Variants in ACOXL observed in about 807,000 individuals in gnomAD.
ACOXL encodes the protein acyl-CoA oxidase like.
In ACOXL, 70 loss-of-function variants were observed where a neutral mutation model predicts 71.9. The observed-to-expected ratio is 0.97, with a 90% CI of 0.80 to 1.19. The LOEUF (loss-of-function observed/expected upper bound fraction) is 1.19, where lower values mean the gene tolerates loss of function less well. Ranked by LOEUF, ACOXL falls within the 50% of genes most tolerant of loss-of-function variation. ACOXL has a pLI of 0.00. For missense variants in ACOXL, 703 were observed against 736.3 expected (o/e 0.95, Z 0.52); for synonymous variants, 253 against 281.6 (o/e 0.90, Z 1.02).
intron 2 of ACOXL, among the ~76,000 whole-genome samples, chr2:110,772,766 A>G (rs778350605): frequency 1.5e-4 from 23 of 151,980 alleles, no homozygotes; most frequent in Admixed American, 9.2e-4. Flanking sequence ...TGTCCCCAAT[A>G]CCCTTTCAGG....
intron 14 of ACOXL, among the ~76,000 whole-genome samples, chr2:111,019,387 C>T (rs544674590): frequency 2.5e-4 from 38 of 152,216 alleles, no homozygotes; most frequent in Admixed American, 2.0e-3. Flanking sequence ...TGCTAAATGA[C>T]CAAAAAGAAT....
intron 12 of ACOXL, among the ~76,000 whole-genome samples, chr2:110,955,933 ATTTT>A (rs67285328): frequency 9.8e-6 from 1 of 101,774 alleles, no homozygotes; most frequent in Non-Finnish European, 1.9e-5. Context: ...CTTGCCACAG[ATTTT>A]TTTTTTTTTT....
At chr2:111,023,171 T>C (rs766952663) in intron 14 of ACOXL, among the ~76,000 whole-genome samples, 42 of 152,208 alleles carry the variant, frequency 2.8e-4, no homozygotes, top group Admixed American at 1.2e-3. Context: ...AGTGCAGTTA[T>C]TGATCAGGAC....
chr2:110,923,790 G>T (rs1380684678), intron 11 of ACOXL, among the ~76,000 whole-genome samples: 1 of 152,040 alleles, frequency 6.6e-6, no homozygotes, highest in Non-Finnish European at 1.5e-5. Flanking sequence ...AAAAAAATTA[G>T]CTGGGCGTGG....
At chr2:111,051,735 G>T (rs1273689289) in intron 16 of ACOXL, among the ~76,000 whole-genome samples, 1 of 152,210 alleles carries the variant, frequency 6.6e-6, no homozygotes, top group Non-Finnish European at 1.5e-5. Context: ...CTCCCAAAGT[G>T]CTGGGATTAC....
At chr2:111,096,517 A>G (rs1029252669) in intron 17 of ACOXL, among the ~76,000 whole-genome samples, 1 of 152,154 alleles carries the variant, frequency 6.6e-6, no homozygotes, top group African/African-American at 2.4e-5. Flanking sequence ...CTGGGATTAC[A>G]GGCAAAAATT....
At chr2:110,800,883 T>C (rs948161457) in intron 7 of ACOXL, among the ~76,000 whole-genome samples, 1 of 152,124 alleles carries the variant, frequency 6.6e-6, no homozygotes, top group Non-Finnish European at 1.5e-5. Flanking sequence ...CTGAGCTCTG[T>C]GAAGTCGTGC....
chr2:110,814,550 T>G (rs1687700394), intron 9 of ACOXL, among the ~76,000 whole-genome samples: 1 of 152,202 alleles, frequency 6.6e-6, no homozygotes, highest in South Asian at 2.1e-4. Flanking sequence ...CTGGGCCATT[T>G]AAATTTGCCA....
chr2:110,943,062 A>AAGGAAGAAAGAAAAGGT lies in ACOXL; in HGVS notation c.1059+9422_1059+9423insGAAGAAAGAAAAGGTAG, dbSNP rs1247836362. Among the ~76,000 whole-genome samples, 5 of 138,570 alleles carry AAGGAAGAAAGAAAAGGT rather than the reference A, an allele frequency of 3.6e-5. No individual in the cohort carries two copies. In the South Asian group the frequency reaches 1.2e-3, roughly 34 times the overall value. 90.9% of individuals were successfully genotyped at this position (138,570 alleles called of 152,430 possible). A position where few individuals can be genotyped will look rare whatever the true frequency, so the allele number is the denominator to read the frequency against. On this transcript the variant is annotated intron_variant, in intron 12 of 17. Transcript: ENST00000439055. ...AAAGAAGGAAGGAAGAAAGAAAAGG[A>AAGGAAGAAAGAAAAGGT]AGAAGGAAGGAAGAAAAGAAGAGAG...
chr2:110,789,679 C>T (rs1470645089), intron 3 of ACOXL, among the ~76,000 whole-genome samples: 2 of 152,184 alleles, frequency 1.3e-5, no homozygotes, highest in African/African-American at 4.8e-5. Flanking sequence ...TTTCCATCTC[C>T]AAATACCATC....
In ACOXL at chr2:110,901,121, C is replaced by A. The variant is rs374066507; in HGVS notation, c.789-7668C>A. Among the ~76,000 whole-genome samples, 3 of 152,348 alleles carry A rather than the reference C, an allele frequency of 2.0e-5. No homozygotes were observed. In the East Asian group the frequency reaches 5.8e-4, roughly 29 times the overall value. ...GTCTCCAGCAGCAGAGTGTCAGCCC[C>A]TGCTGGATACTTGGCCACAACTTTA... On this transcript the variant is annotated intron_variant, in intron 10 of 17. Coordinates refer to ENST00000439055, the MANE Select transcript of ACOXL (RefSeq NM_001142807.4).
At chr2:110,793,935 C>T (rs1029483466) in intron 4 of ACOXL, 141 bp from the exon 5 acceptor site, 14 of 851,880 alleles carry the variant, frequency 1.6e-5, no homozygotes, top group Admixed American at 2.4e-5. Flanking sequence ...AGCTCACATT[C>T]GCTGTCATCA....
intron 13 of ACOXL, 71 bp from the exon 14 acceptor site, chr2:110,995,822 C>A (rs2063371682): frequency 1.7e-6 from 2 of 1,210,696 alleles, no homozygotes; most frequent in Non-Finnish European, 1.2e-6. Flanking sequence ...AACAAACCTA[C>A]TCTATTTCTT....
chr2:110,920,170 TTG>T (rs1386831022), intron 11 of ACOXL, among the ~76,000 whole-genome samples: 1 of 152,224 alleles, frequency 6.6e-6, no homozygotes, highest in Non-Finnish European at 1.5e-5. Context: ...TTGTATCATT[TTG>T]TGTTTTCATC....
intron 14 of ACOXL, among the ~76,000 whole-genome samples, chr2:111,027,263 A>G (rs894646114): frequency 2.6e-5 from 4 of 151,632 alleles, no homozygotes; most frequent in Middle Eastern, 3.2e-3. Context: ...AGTTCTGTCT[A>G]TGTGTGGGAG....
intron 10 of ACOXL, among the ~76,000 whole-genome samples, chr2:110,884,782 A>C (rs2149111421): frequency 6.6e-6 from 1 of 152,278 alleles, no homozygotes; most frequent in South Asian, 2.1e-4. Flanking sequence ...AGTTAGGTTC[A>C]ATAAAGGCTT....
At chr2:110,751,298 CAAAAAA>C (rs765632647) in intron 1 of ACOXL, among the ~76,000 whole-genome samples, 9 of 44,014 alleles carry the variant, frequency 2.0e-4, no homozygotes, top group Admixed American at 6.0e-4. Context: ...GACTCCGTCT[CAAAAAA>C]AAAAAAAAAA....
intron 1 of ACOXL, among the ~76,000 whole-genome samples, chr2:110,762,221 T>C (rs577863186): frequency 6.6e-6 from 1 of 152,322 alleles, no homozygotes; most frequent in South Asian, 2.1e-4. Flanking sequence ...AGCTTTCAAC[T>C]TGCTTATGTC....
At chr2:110,810,560 A>T (rs149594230) in intron 9 of ACOXL, among the ~76,000 whole-genome samples, 1 of 151,564 alleles carries the variant, frequency 6.6e-6, no homozygotes, top group East Asian at 1.9e-4. Flanking sequence ...TCATTCATCC[A>T]TCATCTGTTC....
Sources: gnomAD v4.1 joint callset for allele counts (sites outside exome capture counted in the v4.1 genomes callset) on GRCh38, gnomAD v4.1.1 for gene constraint, MANE v1.5 for transcripts, NCBI Gene and HGNC (gene_info 2026-07-23, HGNC 2026-07-21) for gene names.